The following PDE4C variants were observed in gnomAD, a reference collection of about 807,000 sequenced individuals.
The protein encoded by PDE4C is 3',5'-cyclic-AMP phosphodiesterase 4C.
In PDE4C, 50 loss-of-function variants were observed where a neutral mutation model predicts 63.9. That is an observed-to-expected ratio of 0.78 (90% CI 0.62 to 0.99). The LOEUF (loss-of-function observed/expected upper bound fraction) is 0.99. PDE4C is among the 50% of genes least tolerant of loss of function. The pLI is 0.00. For synonymous variants in PDE4C, 377 were observed against 385.1 expected (o/e 0.98, Z 0.25); for missense variants, 777 against 899.1 (o/e 0.86, Z 1.74).
intron 11 of PDE4C, 86 bp downstream of exon 11, chr19:18,218,063 G>T (rs1968279090): frequency 9.9e-7 from 1 of 1,008,110 alleles, no homozygotes; most frequent in Non-Finnish European, 1.5e-6. Flanking sequence ...GCTCAGGGCA[G>T]ATGGGAACCC....
chr19:18,235,645 G>A (rs2148058712), upstream of PDE4C, among the ~76,000 whole-genome samples: 1 of 152,106 alleles, frequency 6.6e-6, no homozygotes, highest in Non-Finnish European at 1.5e-5. Context: ...CTCCACAACA[G>A]CAACCACAGG....
chr19:18,235,841 G>C (rs1487100752), upstream of PDE4C, among the ~76,000 whole-genome samples: 1 of 151,874 alleles, frequency 6.6e-6, no homozygotes, highest in East Asian at 1.9e-4. Context: ...TGAGTCTGAG[G>C]CTTTATACAT....
chr19:18,244,717 G>C (rs923445555), intron 1 of PDE4C, among the ~76,000 whole-genome samples: 13 of 151,954 alleles, frequency 8.6e-5, no homozygotes, highest in African/African-American at 3.1e-4. Context: ...TCTCCATGTC[G>C]ATCAGGCTGG....
intron 1 of PDE4C, among the ~76,000 whole-genome samples, chr19:18,240,794 G>T (rs1464213023): frequency 6.6e-6 from 1 of 152,224 alleles, no homozygotes; most frequent in Non-Finnish European, 1.5e-5. Context: ...GGGCAAAGTG[G>T]GGTGGGAGGA....
intron 1 of PDE4C, among the ~76,000 whole-genome samples, chr19:18,246,525 AT>A (rs1413747346): frequency 6.6e-6 from 1 of 151,850 alleles, no homozygotes; most frequent in Non-Finnish European, 1.5e-5. Flanking sequence ...TGGAGTGTGG[AT>A]AAATAAACAT....
chr19:18,243,699 G>T (rs984382095), intron 1 of PDE4C, among the ~76,000 whole-genome samples: 1 of 152,158 alleles, frequency 6.6e-6, no homozygotes, highest in South Asian at 2.1e-4. Flanking sequence ...ATGCGGGGGT[G>T]CTCCCAAGAG....
At chr19:18,254,030 C>G in the PDE4C span, among the ~76,000 whole-genome samples, 1 of 152,208 alleles carries the variant, frequency 6.6e-6, no homozygotes, top group African/African-American at 2.4e-5. Context: ...GGGGCTGGGT[C>G]CACATGCCAC....
upstream of PDE4C, chr19:18,226,619 T>G (rs1968740288): frequency 5.0e-6 from 2 of 402,794 alleles, no homozygotes; most frequent in South Asian, 1.4e-4. Flanking sequence ...TTTTTTTTTT[T>G]TTTTTTGAGA....
In PDE4C at chr19:18,240,749, G is replaced by A. The variant is rs192901777; in HGVS notation, c.-209-7349C>T. Among the ~76,000 whole-genome samples the A allele has an allele frequency of 1.0e-3, 152 of 152,270 alleles. 2 individuals are homozygous for A. The highest frequency in any genetic ancestry group is 3.4e-3 in the African/African-American group (142 of 41,570). ...CTCAAAAAAAAATGGGGAAACTGAG[G>A]TCCAAGACCATGCTGCTAATCAGGA... On this transcript the variant is annotated intron_variant, in intron 1 of 15. Coordinates refer to the PDE4C transcript ENST00000594617.
chr19:18,239,806 G>T (rs1022349939), intron 1 of PDE4C, among the ~76,000 whole-genome samples: 1 of 151,972 alleles, frequency 6.6e-6, no homozygotes, highest in South Asian at 2.1e-4. Flanking sequence ...CAGGCGGATC[G>T]CTTAGGGTCA....
intron 13 of PDE4C, among the ~76,000 whole-genome samples, chr19:18,213,121 A>G (rs1968034191): frequency 6.6e-6 from 1 of 150,860 alleles, no homozygotes; most frequent in Non-Finnish European, 1.5e-5. Flanking sequence ...TCTCTACTAA[A>G]AATACAAAAA....
chr19:18,222,944 C>T (rs1202009117), intron 1 of PDE4C, among the ~76,000 whole-genome samples: 1 of 152,010 alleles, frequency 6.6e-6, no homozygotes, highest in African/African-American at 2.4e-5. Flanking sequence ...AAACAATCCT[C>T]CCAGCTCCGC....
chr19:18,232,986 T>A, exon 1 of PDE4C: 1 of 1,500,778 alleles, frequency 6.7e-7, no homozygotes, highest in Non-Finnish European at 8.9e-7. Context: ...GAGCCGCGAC[T>A]TCCTGAGCTC....
chr19:18,208,875 G>C (rs1309600844), downstream of PDE4C: 2 of 152,058 alleles, frequency 1.3e-5, no homozygotes, highest in African/African-American at 2.4e-5. Flanking sequence ...GGCAGTTTCA[G>C]GAATCAGGAG....
At chr19:18,250,537 G>A (rs1969218986), upstream of PDE4C, 2 of 376,622 alleles carry the variant, frequency 5.3e-6, no homozygotes, top group African/African-American at 5.6e-5. Flanking sequence ...CACCCACCAG[G>A]GCCCAGAGCC....
upstream of PDE4C, chr19:18,233,677 C>G: frequency 2.8e-6 from 1 of 359,138 alleles, no homozygotes; most frequent in Admixed American, 3.7e-5. Flanking sequence ...GCTTTGGGTT[C>G]TCCGGGTGGA....
exon 11 of PDE4C, chr19:18,218,168 G>C: frequency 1.9e-6 from 3 of 1,613,944 alleles, no homozygotes; most frequent in Non-Finnish European, 2.5e-6. Flanking sequence ...TCAGAAACTG[G>C]TTGGAGACCC....
chr19:18,209,730 G>A (rs1355292609), downstream of PDE4C: 6 of 140,074 alleles, frequency 4.3e-5, no homozygotes, highest in African/African-American at 1.6e-4. Context: ...GTCTTGCTCT[G>A]TCGCCCAGGC....
intron 4 of PDE4C, 56 bp downstream of exon 4, chr19:18,221,049 T>TCCGCCAGGCCTCGCCCCACC: frequency 8.9e-6 from 11 of 1,239,966 alleles, no homozygotes; most frequent in Non-Finnish European, 1.1e-5. Flanking sequence ...CAGCCCGCTT[T>TCCGCCAGGCCTCGCCCCACC]CCGCCCACCT....
Sources: gnomAD v4.1 joint callset for allele counts (sites outside exome capture counted in the v4.1 genomes callset) on GRCh38, gnomAD v4.1.1 for gene constraint, MANE v1.5 for transcripts, NCBI Gene and HGNC (gene_info 2026-07-23, HGNC 2026-07-21) for gene names.